The following LRFN5 variants were observed in gnomAD, a reference collection of about 807,000 sequenced individuals.
LRFN5 encodes leucine rich repeat and fibronectin type III domain containing 5, also known as leucine-rich repeat and fibronectin type-III domain-containing protein 5.
Under a neutral mutation model 45.6 loss-of-function variants are expected in LRFN5, and 24 were observed. The ratio of observed to expected loss-of-function variants is 0.53; its 90% CI spans 0.38 to 0.74. The LOEUF is 0.74. Among genes scored for constraint, LRFN5 ranks in the 30% least tolerant of loss-of-function variants. LRFN5 has a pLI of 0.00. For synonymous variants in LRFN5, 340 were observed against 313.8 expected, an observed-to-expected ratio of 1.08 and a Z score of -0.88; for missense variants, 776 against 861.5, an observed-to-expected ratio of 0.90 and a Z score of 1.24.
intron 2 of LRFN5, among the ~76,000 whole-genome samples, chr14:41,780,057 T>C (rs1029766955): frequency 6.6e-6 from 1 of 151,948 alleles, no homozygotes; most frequent in African/African-American, 2.4e-5. Context: ...TATCTTTTTT[T>C]CTAATATATG....
chr14:41,738,499 ATC>A (rs1251086175), intron 1 of LRFN5, among the ~76,000 whole-genome samples: 1 of 152,212 alleles, frequency 6.6e-6, no homozygotes, highest in East Asian at 1.9e-4. Flanking sequence ...GACAAATGGG[ATC>A]TAACCCCTTT....
intron 2 of LRFN5, among the ~76,000 whole-genome samples, chr14:41,851,285 C>T (rs967602681): frequency 2.9e-5 from 2 of 67,984 alleles, no homozygotes; most frequent in African/African-American, 1.6e-4. Context: ...TTCAGACTTA[C>T]AATACTAACA....
At chr14:41,660,324 C>A (rs536703716) in intron 1 of LRFN5, among the ~76,000 whole-genome samples, 8 of 152,220 alleles carry the variant, frequency 5.3e-5, no homozygotes, top group African/African-American at 1.4e-4. Flanking sequence ...CCACACCCAG[C>A]CATATGACTA....
At chr14:41,671,272 G>T (rs1881197066) in intron 1 of LRFN5, among the ~76,000 whole-genome samples, 1 of 152,012 alleles carries the variant, frequency 6.6e-6, no homozygotes, top group African/African-American at 2.4e-5. Flanking sequence ...TCTTCCTAAA[G>T]TTTAAATATA....
At chr14:41,678,255 C>T (rs1404558966) in intron 1 of LRFN5, among the ~76,000 whole-genome samples, 3 of 151,514 alleles carry the variant, frequency 2.0e-5, no homozygotes, top group Admixed American at 6.6e-5. Flanking sequence ...TACATACATA[C>T]ATACATACAT....
At chr14:41,647,984 C>T (rs1879898071) in intron 1 of LRFN5, among the ~76,000 whole-genome samples, 1 of 152,124 alleles carries the variant, frequency 6.6e-6, no homozygotes, top group Admixed American at 6.5e-5. Context: ...GCCAATTTAA[C>T]ATTTTGAGGC....
At chr14:41,618,405 C>T (rs537879346) in intron 1 of LRFN5, among the ~76,000 whole-genome samples, 3 of 152,282 alleles carry the variant, frequency 2.0e-5, no homozygotes, top group African/African-American at 7.2e-5. Flanking sequence ...GACTATGTAG[C>T]TTCTACTCTG....
At chr14:41,757,100 C>T (rs1365817419) in intron 1 of LRFN5, among the ~76,000 whole-genome samples, 4 of 152,178 alleles carry the variant, frequency 2.6e-5, no homozygotes, top group Non-Finnish European at 4.4e-5. Flanking sequence ...ATGTTGCTGC[C>T]TGATCGTTCC....
At chr14:41,696,869 T>C (rs973709730) in intron 1 of LRFN5, among the ~76,000 whole-genome samples, 1 of 151,920 alleles carries the variant, frequency 6.6e-6, no homozygotes, top group African/African-American at 2.4e-5. Context: ...TATGTGAAAT[T>C]CTGAAAAGTG....
chr14:41,870,885 T>C (rs1453764011), intron 2 of LRFN5, among the ~76,000 whole-genome samples: 2 of 152,146 alleles, frequency 1.3e-5, no homozygotes, highest in African/African-American at 4.8e-5. Context: ...TTGTAGCACA[T>C]GTTTTATTAT....
At position 41,630,314 on chromosome 14, in the gene LRFN5, G is replaced by C. The variant is rs1888490576; in HGVS notation, c.-197+21752G>C. Among the ~76,000 whole-genome samples, 3 of 151,998 alleles carry C rather than the reference G, an allele frequency of 2.0e-5. No homozygotes were observed. In the South Asian group the frequency reaches 6.2e-4, roughly 31 times the overall value. Reference sequence around the variant, plus strand: ...AGGGCAAAGACTTTTTTTCAGTTTTGTAGATACCTGTCTGAATTGGCAGTT... The same window carrying C: ...AGGGCAAAGACTTTTTTTCAGTTTTCTAGATACCTGTCTGAATTGGCAGTT... On this transcript the variant is annotated intron_variant, in intron 1 of 5. Coordinates refer to ENST00000298119, the MANE Select transcript of LRFN5 (RefSeq NM_152447.5).
At chr14:41,757,231 T>C (rs7158691) in intron 1 of LRFN5, among the ~76,000 whole-genome samples, 117,261 of 152,060 alleles carry the variant, frequency 0.77, 45,709 homozygotes, top group East Asian at 0.97. Context: ...GGCAGTCTGT[T>C]TGTTCTCAGA....
chr14:41,870,249 G>C (rs1174900583), intron 2 of LRFN5, among the ~76,000 whole-genome samples: 1 of 152,148 alleles, frequency 6.6e-6, no homozygotes. Flanking sequence ...CAGCAATTAA[G>C]AGAGGGAAGC....
intron 1 of LRFN5, among the ~76,000 whole-genome samples, chr14:41,723,789 C>A (rs1350758400): frequency 6.6e-6 from 1 of 152,124 alleles, no homozygotes; most frequent in African/African-American, 2.4e-5. Flanking sequence ...AGGCCCCTAC[C>A]CTACTCCAGA....
At chr14:41,630,612 A>G (rs1888500007) in intron 1 of LRFN5, among the ~76,000 whole-genome samples, 1 of 152,098 alleles carries the variant, frequency 6.6e-6, no homozygotes. Context: ...GTAGAATTTC[A>G]TTTATTTAAG....
At chr14:41,655,354 A>G (rs1438536020) in intron 1 of LRFN5, among the ~76,000 whole-genome samples, 5 of 152,058 alleles carry the variant, frequency 3.3e-5, no homozygotes, top group African/African-American at 1.2e-4. Flanking sequence ...GAAGAAGATT[A>G]GAGACTAAAT....
chr14:41,777,181 T>G (rs1886323271), intron 2 of LRFN5, among the ~76,000 whole-genome samples: 1 of 151,920 alleles, frequency 6.6e-6, no homozygotes, highest in Non-Finnish European at 1.5e-5. Flanking sequence ...TGTTGATTTT[T>G]TATTCTTTAT....
intron 1 of LRFN5, among the ~76,000 whole-genome samples, chr14:41,649,950 A>T (rs980147718): frequency 6.6e-6 from 1 of 152,170 alleles, no homozygotes; most frequent in African/African-American, 2.4e-5. Flanking sequence ...AGTCTCATAG[A>T]ATATATGTAT....
intron 2 of LRFN5, among the ~76,000 whole-genome samples, chr14:41,791,643 T>C (rs1482042224): frequency 1.3e-5 from 2 of 152,104 alleles, no homozygotes; most frequent in Non-Finnish European, 2.9e-5. Context: ...TTAAAAAATG[T>C]TTCCTGTTAA....
Sources: gnomAD v4.1 joint callset for allele counts (sites outside exome capture counted in the v4.1 genomes callset) on GRCh38, gnomAD v4.1.1 for gene constraint, MANE v1.5 for transcripts, NCBI Gene and HGNC (gene_info 2026-07-23, HGNC 2026-07-21) for gene names.